ITGAE: variants seen among roughly 807,000 people sequenced by gnomAD.
ITGAE encodes integrin subunit alpha E.
ITGAE carries 99 observed loss-of-function variants against 136.5 expected under a neutral mutation model. That is an observed-to-expected ratio of 0.73 (90% CI 0.62 to 0.86). The LOEUF (loss-of-function observed/expected upper bound fraction) is 0.86. Ranked by LOEUF, ITGAE falls within the 40% of genes least tolerant of loss-of-function variation. ITGAE has a pLI of 0.00. For synonymous variants in ITGAE, 613 were observed against 591.8 expected, an observed-to-expected ratio of 1.04 and a Z score of -0.52; for missense variants, 1,447 against 1,515.3, an observed-to-expected ratio of 0.95 and a Z score of 0.75.
At chr17:3,746,884 C>G (rs998015243) in intron 17 of ITGAE, among the ~76,000 whole-genome samples, 4 of 152,240 alleles carry the variant, frequency 2.6e-5, no homozygotes, top group African/African-American at 9.6e-5. Context: ...AGCTACCACA[C>G]CCGGCCAGGT....
intron 26 of ITGAE, chr17:3,725,608 G>A: frequency 6.2e-7 from 1 of 1,613,856 alleles, no homozygotes; most frequent in Non-Finnish European, 8.5e-7. Flanking sequence ...GGCTTTATCG[G>A]GCTGAACTCA....
chr17:3,723,673 G>T lies in ITGAE; in HGVS notation c.3141+15C>A. On this transcript the variant is annotated intron_variant, in intron 27 of 30. Transcript: ENST00000263087. Reference sequence around the variant, plus strand: ...CCTCCGCCCTCCCCTGGCCTCTCGGGACGGCCGCGCTTACCTGAACCGAAC... The same window carrying T: ...CCTCCGCCCTCCCCTGGCCTCTCGGTACGGCCGCGCTTACCTGAACCGAAC... The T allele has an allele frequency of 6.3e-7, 1 of 1,578,636 alleles. No individual in the cohort carries two copies. The highest frequency in any genetic ancestry group is 8.6e-7 in the Non-Finnish European group (1 of 1,161,756).
At chr17:3,776,891 T>C (rs1159431593) in intron 2 of ITGAE, among the ~76,000 whole-genome samples, 1 of 151,864 alleles carries the variant, frequency 6.6e-6, no homozygotes, top group Non-Finnish European at 1.5e-5. Context: ...TGTTTCCAAA[T>C]GTTCTATATT....
At chr17:3,786,618 G>A (rs1356467515) in intron 1 of ITGAE, among the ~76,000 whole-genome samples, 2 of 152,102 alleles carry the variant, frequency 1.3e-5, no homozygotes, top group African/African-American at 2.4e-5. Context: ...ACGGCCGGGT[G>A]CAGTGGCTCA....
At chr17:3,771,349 A>C (rs2052416668) in intron 2 of ITGAE, among the ~76,000 whole-genome samples, 2 of 152,116 alleles carry the variant, frequency 1.3e-5, no homozygotes, top group African/African-American at 4.8e-5. Flanking sequence ...AGGCGAGGCT[A>C]ATCCACGGAG....
intron 1 of ITGAE, among the ~76,000 whole-genome samples, chr17:3,782,028 C>T (rs945598030): frequency 6.6e-6 from 1 of 151,968 alleles, no homozygotes; most frequent in African/African-American, 2.4e-5. Flanking sequence ...ATAATCCCAA[C>T]ATTTTGGGAG....
chr17:3,796,358 C>A (rs1362053275), intron 1 of ITGAE, among the ~76,000 whole-genome samples: 4 of 152,126 alleles, frequency 2.6e-5, no homozygotes, highest in African/African-American at 9.7e-5. Context: ...TTGCATTTCC[C>A]ACCAGGACTC....
intron 2 of ITGAE, among the ~76,000 whole-genome samples, chr17:3,768,781 C>G (rs959508752): frequency 2.6e-5 from 4 of 152,204 alleles, no homozygotes; most frequent in Non-Finnish European, 5.9e-5. Context: ...TATCTGTCTC[C>G]CCACGAGACA....
chr17:3,796,744 C>A (rs1434817863), intron 1 of ITGAE, among the ~76,000 whole-genome samples: 1 of 152,190 alleles, frequency 6.6e-6, no homozygotes, highest in African/African-American at 2.4e-5. Flanking sequence ...CTGTCAGCCA[C>A]CACTGTCTCC....
At chr17:3,734,319 C>T (rs754163255) in intron 21 of ITGAE, among the ~76,000 whole-genome samples, 30 of 152,154 alleles carry the variant, frequency 2.0e-4, no homozygotes, top group Non-Finnish European at 3.2e-4. Context: ...GTGATCCGCC[C>T]GTCTCGGCCT....
chr17:3,731,288 T>C, intron 22 of ITGAE, 105 bp from the exon 23 acceptor site: 1 of 800,988 alleles, frequency 1.2e-6, no homozygotes. Flanking sequence ...TCCTCAGATT[T>C]TCACATTCCT....
chr17:3,748,547 A>G (rs1244268525), intron 16 of ITGAE, among the ~76,000 whole-genome samples: 1 of 152,216 alleles, frequency 6.6e-6, no homozygotes, highest in Admixed American at 6.5e-5. Context: ...ACATCCTGCC[A>G]CGGCACTCCA....
At chr17:3,785,546 G>T (rs927801845) in intron 1 of ITGAE, among the ~76,000 whole-genome samples, 1 of 145,144 alleles carries the variant, frequency 6.9e-6, no homozygotes, top group Non-Finnish European at 1.5e-5. Context: ...AAGGAAGGAA[G>T]GAAGGAAGGA....
rs182767022 is a variant in ITGAE, at chr17:3,784,216, C to T, written c.35-6556G>A. The T allele has an allele frequency of 3.7e-3, 894 of 244,660 alleles. 8 individuals are homozygous for T. Among genetic ancestry groups the T allele is most frequent in the African/African-American group, 0.02 (844 of 42,200 alleles). The allele number at this position is 244,660 out of a possible 1,614,324, so 15.2% of individuals were successfully genotyped here. On this transcript the variant is annotated intron_variant, in intron 1 of 30. Coordinates refer to ENST00000263087, the MANE Select transcript of ITGAE (RefSeq NM_002208.5). ...CGGAGCTTGCAGTGAGCCGAGATTGCGCCACTGCACTCCCGCCTGGGCAAC... is the reference window on the plus strand; with the variant it reads ...CGGAGCTTGCAGTGAGCCGAGATTGTGCCACTGCACTCCCGCCTGGGCAAC...
rs1267179863 is a variant in ITGAE at position 3,796,108 on chromosome 17, C to T, written c.34+5003G>A. On this transcript the variant is annotated intron_variant, in intron 1 of 30. Coordinates refer to ENST00000263087, the MANE Select transcript of ITGAE (RefSeq NM_002208.5). The stretch of plus-strand genomic sequence containing the variant: ...GTGTATGCATCCGTGTGTGTGCATC[C>T]CTGTGTGCATCCCTGTGTGTGCATC... Among the ~76,000 whole-genome samples, 44 of 25,066 alleles carry T rather than the reference C, an allele frequency of 1.8e-3. 2 individuals are homozygous for T. Among genetic ancestry groups the T allele is most frequent in the African/African-American group, 0.013 (40 of 3,130 alleles). 16.4% of individuals were successfully genotyped at this position (25,066 alleles called of 152,430 possible).
In ITGAE at chr17:3,716,873, G is replaced by A. The variant is rs1224598182; in HGVS notation, c.3334-75C>T. ...AAAAAATCCTACATGTTATTTTAAG[G>A]AGCAAAATACGAGGACTTGGCAACA... On this transcript the variant is annotated intron_variant, in intron 29 of 30. Coordinates refer to ENST00000263087, the MANE Select transcript of ITGAE (RefSeq NM_002208.5). The A allele has an allele frequency of 8.3e-6, 7 of 842,004 alleles. No individual in the cohort carries two copies. The African/African-American group carries it at 1.2e-4, about 14-fold the overall frequency. The allele number at this position is 842,004 out of a possible 1,614,324, so 52.2% of individuals were successfully genotyped here. A position where few individuals can be genotyped will look rare whatever the true frequency, so the allele number is the denominator to read the frequency against.
chr17:3,751,141 T>C (rs757667891), intron 15 of ITGAE, among the ~76,000 whole-genome samples: 6 of 151,900 alleles, frequency 3.9e-5, no homozygotes, highest in Non-Finnish European at 8.8e-5. Context: ...GCAGGTGCTC[T>C]CAGATGGGCC....
rs1216161696 is a variant in ITGAE at position 3,739,814 on chromosome 17, G to A, written c.2513C>T (p.Thr838Ile). The change falls in exon 20 of 31, where the codon ACC becomes ATC. Residue 838 changes from threonine (T) to isoleucine (I), a missense_variant. This residue lies in a region of ITGAE where 1,031 missense variants were observed against 1,011.4 expected (regional missense o/e 1.02). Transcript: ENST00000263087. ...FCVAELQLAT[T>I]VSQQELVVGL... Reference sequence around the variant, plus strand: ...GCTATGTCCAACTCACTGAGAGACGGTGGTGGCCAACTGTAATTCTGCGAC... The same window carrying A: ...GCTATGTCCAACTCACTGAGAGACGATGGTGGCCAACTGTAATTCTGCGAC... The A allele has an allele frequency of 7.4e-6, 12 of 1,614,086 alleles. No individual in the cohort carries two copies. The highest frequency in any genetic ancestry group is 1.0e-5 in the Non-Finnish European group (12 of 1,179,902).
intron 26 of ITGAE, 188 bp from the exon 27 acceptor site, chr17:3,723,932 G>A (rs768059786): frequency 1.9e-6 from 3 of 1,545,776 alleles, no homozygotes; most frequent in South Asian, 2.4e-5. Flanking sequence ...GGCGGGTGCC[G>A]GCCATGGCGG....
Sources: allele counts gnomAD v4.1 joint callset (sites outside exome capture counted in the v4.1 genomes callset), GRCh38; gene constraint gnomAD v4.1.1; regional missense constraint gnomAD v4.1.1; transcripts MANE v1.5; gene names NCBI Gene and HGNC (gene_info 2026-07-23, HGNC 2026-07-21).